Variants in ASTN2 observed in about 807,000 individuals in gnomAD.
ASTN2 encodes astrotactin 2.
A neutral mutation model predicts 139.8 loss-of-function variants in ASTN2; 54 were observed. The ratio of observed to expected loss-of-function variants is 0.39; its 90% confidence interval spans 0.31 to 0.48. The LOEUF is 0.48. Among genes scored for constraint, ASTN2 ranks in the 20% least tolerant of loss-of-function variants. The pLI, the probability that ASTN2 is intolerant of heterozygous loss-of-function variation, is 0.95. For missense variants in ASTN2, 1,565 were observed against 1,725.1 expected, an observed-to-expected ratio of 0.91 and a Z score of 1.64; for synonymous variants, 756 against 719.5, an observed-to-expected ratio of 1.05 and a Z score of -0.81.
At chr9:117,187,785 C>T (rs1278204087) in intron 3 of ASTN2, among the ~76,000 whole-genome samples, 1 of 144,614 alleles carries the variant, frequency 6.9e-6, no homozygotes, top group Non-Finnish European at 1.5e-5. Context: ...CCATAAACTA[C>T]CTAGTCTCAG....
At chr9:116,681,455 TA>T (rs1859860880) in intron 16 of ASTN2, among the ~76,000 whole-genome samples, 1 of 152,172 alleles carries the variant, frequency 6.6e-6, no homozygotes. Context: ...CTGCCCAAGG[TA>T]ATTTACAGAT....
At chr9:117,071,574 G>T (rs1406068114) in intron 5 of ASTN2, among the ~76,000 whole-genome samples, 14 of 150,552 alleles carry the variant, frequency 9.3e-5, no homozygotes, top group East Asian at 3.9e-4. Context: ...GTTTACCTAA[G>T]CAAGCCTGGG....
At chr9:116,998,561 CCATCCATCCATA>C (rs1239849571) in intron 7 of ASTN2, among the ~76,000 whole-genome samples, 3 of 151,962 alleles carry the variant, frequency 2.0e-5, no homozygotes, top group Non-Finnish European at 4.4e-5. Context: ...ATCCATCCAT[CCATCCATCCATA>C]CATCCATCCA....
chr9:116,737,194 G>T (rs1828948937), intron 13 of ASTN2, among the ~76,000 whole-genome samples: 1 of 152,208 alleles, frequency 6.6e-6, no homozygotes, highest in African/African-American at 2.4e-5. Context: ...CTTTGCGACC[G>T]CCTGGGCGAT....
At chr9:116,768,437 T>C (rs972358739) in intron 13 of ASTN2, among the ~76,000 whole-genome samples, 4 of 152,148 alleles carry the variant, frequency 2.6e-5, no homozygotes, top group Non-Finnish European at 5.9e-5. Context: ...TTTCTCTGCC[T>C]CCCTGACCCG....
intron 5 of ASTN2, among the ~76,000 whole-genome samples, chr9:117,071,991 G>A (rs927574473): frequency 1.3e-5 from 2 of 152,168 alleles, no homozygotes; most frequent in African/African-American, 4.8e-5. Flanking sequence ...CACGCTGGGA[G>A]CTGAGACCGG....
chr9:116,972,292 A>C (rs1176756962), intron 10 of ASTN2, among the ~76,000 whole-genome samples: 2 of 152,130 alleles, frequency 1.3e-5, no homozygotes, highest in Non-Finnish European at 2.9e-5. Flanking sequence ...AGATTCATCC[A>C]AGGTGCTATG....
Position 116,530,094 on chromosome 9 carries a change from GATATATATAT to G in ASTN2, c.3356-42604_3356-42595del, listed in dbSNP as rs3984942. ...ATCAGTGGATGAATGGATAAAGTGT[GATATATATAT>G]ATATATATATATATATATATATATA... On this transcript the variant is annotated intron_variant, in intron 19 of 22. Coordinates refer to ENST00000313400, the MANE Select transcript of ASTN2 (RefSeq NM_001365068.1). Among the ~76,000 whole-genome samples, 439 of 50,790 alleles carry G rather than the reference GATATATATAT, an allele frequency of 8.6e-3. 1 individual carries two copies. Among genetic ancestry groups the G allele is most frequent in the Admixed American group, 0.017 (65 of 3,776 alleles). 33.3% of individuals were successfully genotyped at this position (50,790 alleles called of 152,430 possible). A position where few individuals can be genotyped will look rare whatever the true frequency, so the allele number is the denominator to read the frequency against.
chr9:116,813,763 G>A (rs1831228342), intron 12 of ASTN2, among the ~76,000 whole-genome samples: 1 of 152,228 alleles, frequency 6.6e-6, no homozygotes, highest in East Asian at 1.9e-4. Flanking sequence ...GGCCAAGTGC[G>A]ATGGCTCATG....
chr9:116,673,801 G>T (rs530154107), intron 16 of ASTN2, among the ~76,000 whole-genome samples: 1 of 152,284 alleles, frequency 6.6e-6, no homozygotes, highest in Non-Finnish European at 1.5e-5. Context: ...AACTGTGAGA[G>T]AATAAATTTT....
chr9:116,931,033 C>T (rs752560505), intron 10 of ASTN2, among the ~76,000 whole-genome samples: 5 of 152,234 alleles, frequency 3.3e-5, no homozygotes, highest in African/African-American at 1.2e-4. Flanking sequence ...GTGACATCTT[C>T]GACCTCATCT....
rs35679249 is a variant in ASTN2, at chr9:117,336,057, GAA to G, written c.443-44546_443-44545del. On this transcript the variant is annotated intron_variant, in intron 1 of 22. Coordinates refer to ENST00000313400, the MANE Select transcript of ASTN2 (RefSeq NM_001365068.1). Reference sequence around the variant, plus strand: ...TTAAGGAGACAGGAGGTCTGGAAAGGAAAAAAAAAAAAAAAAAAAGGACCACC... The same window carrying G: ...TTAAGGAGACAGGAGGTCTGGAAAGGAAAAAAAAAAAAAAAAAGGACCACC... Among the ~76,000 whole-genome samples the G allele has an allele frequency of 3.0e-4, 31 of 104,880 alleles. No homozygotes were observed. The South Asian group carries it at 3.0e-3, about 10-fold the overall frequency. The allele number at this position is 104,880 out of a possible 152,430, so 68.8% of individuals were successfully genotyped here.
At chr9:117,368,296 C>G (rs1829901045) in intron 1 of ASTN2, among the ~76,000 whole-genome samples, 1 of 151,734 alleles carries the variant, frequency 6.6e-6, no homozygotes. Flanking sequence ...TGTGCATGCA[C>G]ACACACACAT....
At chr9:116,641,176 A>G (rs371294298) in intron 17 of ASTN2, among the ~76,000 whole-genome samples, 22 of 152,234 alleles carry the variant, frequency 1.4e-4, no homozygotes, top group African/African-American at 5.1e-4. Flanking sequence ...AAGTGAATCA[A>G]TGTAGACAGA....
At chr9:116,565,169 A>G (rs1278834060) in intron 19 of ASTN2, among the ~76,000 whole-genome samples, 1 of 150,850 alleles carries the variant, frequency 6.6e-6, no homozygotes, top group Non-Finnish European at 1.5e-5. Context: ...GCATGTATAT[A>G]TGACTGAAAT....
intron 4 of ASTN2, among the ~76,000 whole-genome samples, chr9:117,127,246 T>C (rs1420629779): frequency 6.6e-6 from 1 of 152,214 alleles, no homozygotes; most frequent in Admixed American, 6.5e-5. Flanking sequence ...GATGATTTCT[T>C]TGGGACCCTT....
intron 7 of ASTN2, among the ~76,000 whole-genome samples, chr9:117,003,953 C>T (rs542487196): frequency 0.025 from 3,624 of 146,276 alleles, 120 homozygotes; most frequent in African/African-American, 0.081. Context: ...CGCGCGCGCG[C>T]GTGTGTGTGT....
chr9:116,968,523 T>C (rs1363856634), intron 10 of ASTN2, among the ~76,000 whole-genome samples: 2 of 152,100 alleles, frequency 1.3e-5, no homozygotes, highest in African/African-American at 4.8e-5. Flanking sequence ...GAAAAGAGCA[T>C]GCATGTTCTC....
intron 20 of ASTN2, among the ~76,000 whole-genome samples, chr9:116,485,838 C>A (rs375718197): frequency 1.3e-5 from 2 of 152,158 alleles, no homozygotes; most frequent in Non-Finnish European, 1.5e-5. Flanking sequence ...TGGTGATATT[C>A]TTGAGTTTGG....
Sources: allele counts gnomAD v4.1 joint callset (sites outside exome capture counted in the v4.1 genomes callset), GRCh38; gene constraint gnomAD v4.1.1; transcripts MANE v1.5; gene names NCBI Gene and HGNC (gene_info 2026-07-23, HGNC 2026-07-21).